Variants in PACRG observed in about 807,000 individuals in gnomAD.
PACRG encodes the protein parkin coregulated gene protein.
A neutral mutation model predicts 29.7 loss-of-function variants in PACRG; 29 were observed. The ratio of observed to expected loss-of-function variants is 0.98; its 90% confidence interval spans 0.73 to 1.33. The LOEUF (loss-of-function observed/expected upper bound fraction) is 1.33. PACRG is among the 40% of genes most tolerant of loss of function. The pLI is 0.00. For missense variants in PACRG, 279 were observed against 316.2 expected (o/e 0.88, Z 0.89); for synonymous variants, 116 against 118.7 (o/e 0.98, Z 0.15).
rs192166316 is a variant in PACRG at position 162,771,748 on chromosome 6, A to G, written c.157-42399A>G. Among the ~76,000 whole-genome samples the G allele has an allele frequency of 2.8e-3, 430 of 152,334 alleles. 3 individuals are homozygous for G. Among genetic ancestry groups the G allele is most frequent in the African/African-American group, 9.4e-3 (390 of 41,572 alleles). On this transcript the variant is annotated intron_variant, in intron 1 of 4. Transcript: ENST00000366888. ...AATAGAGTAATTTTCTTTGGAATAC[A>G]TAACTCTCAAGAACATTTTGATAGC...
intron 2 of PACRG, among the ~76,000 whole-genome samples, chr6:162,822,922 AT>A (rs1787965497): frequency 6.6e-6 from 1 of 152,272 alleles, no homozygotes; most frequent in East Asian, 1.9e-4. Flanking sequence ...TGTATAACAT[AT>A]AACATATGTT....
Position 162,998,884 on chromosome 6 carries a change from A to G in PACRG, c.292-63266A>G, listed in dbSNP as rs1002621315. On this transcript the variant is annotated intron_variant, in intron 2 of 4. Transcript: ENST00000366888. ...CTTCAAAAATGTTTAGCCAGTTATC[A>G]CAACCCCTCTTATTGAGTGATCACT... 2.6e-5 allele frequency among the ~76,000 whole-genome samples: 4 copies of G among 152,208 alleles called. No homozygotes were observed. The East Asian group carries it at 7.7e-4, about 29-fold the overall frequency.
chr6:163,149,335 C>T (rs1777974679), intron 4 of PACRG, among the ~76,000 whole-genome samples: 1 of 152,176 alleles, frequency 6.6e-6, no homozygotes, highest in Non-Finnish European at 1.5e-5. Flanking sequence ...TCCATCCTCC[C>T]CAGCGCACTG....
At chr6:163,101,344 G>A (rs1235442892) in intron 4 of PACRG, 1 of 981,082 alleles carries the variant, frequency 1.0e-6, no homozygotes, top group African/African-American at 1.7e-5. Flanking sequence ...CATGCTAGTT[G>A]GATATTTATT....
chr6:163,234,803 C>G (rs1782171698), intron 4 of PACRG, among the ~76,000 whole-genome samples: 1 of 152,228 alleles, frequency 6.6e-6, no homozygotes, highest in South Asian at 2.1e-4. Context: ...ACAATGCTGT[C>G]TTGGGTAAAG....
intron 2 of PACRG, among the ~76,000 whole-genome samples, chr6:162,834,753 A>C (rs1212372857): frequency 6.6e-6 from 1 of 151,972 alleles, no homozygotes; most frequent in African/African-American, 2.4e-5. Flanking sequence ...ATTTTTGCTA[A>C]TATCATTTGT....
chr6:162,817,765 A>T (rs970550968), intron 2 of PACRG, among the ~76,000 whole-genome samples: 12 of 152,212 alleles, frequency 7.9e-5, no homozygotes, highest in African/African-American at 2.9e-4. Flanking sequence ...TGAATCTGCT[A>T]CCCAGATAGA....
At chr6:163,195,619 G>T (rs1445589739) in intron 4 of PACRG, among the ~76,000 whole-genome samples, 1 of 152,178 alleles carries the variant, frequency 6.6e-6, no homozygotes. Context: ...GTAGGAAGGG[G>T]TCTAACCTCC....
chr6:163,119,848 G>C (rs369339169), intron 4 of PACRG, among the ~76,000 whole-genome samples: 3 of 152,244 alleles, frequency 2.0e-5, no homozygotes, highest in African/African-American at 7.2e-5. Context: ...TGTTGTTGTT[G>C]TTGGTTTGTT....
At chr6:163,256,105 T>C (rs1427507088) in intron 4 of PACRG, among the ~76,000 whole-genome samples, 1 of 152,256 alleles carries the variant, frequency 6.6e-6, no homozygotes, top group African/African-American at 2.4e-5. Flanking sequence ...CTATGAATTT[T>C]TAAACATATT....
intron 4 of PACRG, among the ~76,000 whole-genome samples, chr6:163,239,529 G>A (rs952057002): frequency 6.6e-6 from 1 of 151,912 alleles, no homozygotes; most frequent in African/African-American, 2.4e-5. Context: ...TGGACACCTT[G>A]CTGCTTCTCC....
intron 2 of PACRG, among the ~76,000 whole-genome samples, chr6:162,993,163 A>G (rs1240081855): frequency 5.9e-5 from 9 of 151,644 alleles, no homozygotes; most frequent in Non-Finnish European, 2.9e-5. Context: ...ACTTCCAAGT[A>G]TGTGGTCAAT....
At chr6:162,778,563 C>A (rs1381413616) in intron 1 of PACRG, among the ~76,000 whole-genome samples, 25 of 152,060 alleles carry the variant, frequency 1.6e-4, no homozygotes, top group Admixed American at 1.6e-3. Context: ...ATATTTTTTA[C>A]CTTTATGTAC....
chr6:163,184,195 T>C (rs1779807407), intron 4 of PACRG, among the ~76,000 whole-genome samples: 1 of 152,232 alleles, frequency 6.6e-6, no homozygotes, highest in Non-Finnish European at 1.5e-5. Context: ...TGTGCTCGGT[T>C]CCTTAAGAAA....
chr6:163,259,042 A>G (rs1163746712), intron 4 of PACRG, among the ~76,000 whole-genome samples: 3 of 152,204 alleles, frequency 2.0e-5, no homozygotes, highest in Admixed American at 6.5e-5. Context: ...CTCCACATCA[A>G]TGGTCATGGG....
intron 1 of PACRG, among the ~76,000 whole-genome samples, chr6:162,771,574 T>C (rs1336109412): frequency 6.6e-6 from 1 of 152,126 alleles, no homozygotes; most frequent in Non-Finnish European, 1.5e-5. Context: ...CCAGGTGTAT[T>C]TTGTACTTTT....
At position 162,728,247 on chromosome 6, in the gene PACRG, A is replaced by C. The variant is rs1392838522; in HGVS notation, c.12A>C (p.Glu4Asp). 6.2e-7 allele frequency: 1 copy of C among 1,613,516 alleles called. No homozygotes were observed. Among genetic ancestry groups the C allele is most frequent in the African/African-American group, 1.3e-5 (1 of 74,892 alleles). The change falls in exon 1 of 5, where the codon GAA becomes GAC. Residue 4 changes from glutamate (E) to aspartate (D), a missense_variant. Physicochemically the swap from Glu to Asp is conservative, Grantham distance 45. Coordinates refer to ENST00000366888, the MANE Select transcript of PACRG (RefSeq NM_001080379.2). MVA[E>D]KETLSLNKCP... ...CATTTTCTAGGAAGATGGTGGCAGA[A>C]AAAGAGACCCTGAGCTTAAACAAAT...
chr6:163,285,251 AG>A (rs1784358863), intron 4 of PACRG, among the ~76,000 whole-genome samples: 1 of 149,896 alleles, frequency 6.7e-6, no homozygotes. Context: ...CCCCTACCGC[AG>A]GGCCTTTGCG....
At chr6:163,100,177 G>A (rs1295398337) in intron 4 of PACRG, among the ~76,000 whole-genome samples, 1 of 152,038 alleles carries the variant, frequency 6.6e-6, no homozygotes, top group South Asian at 2.1e-4. Flanking sequence ...TCCCCTGCAG[G>A]GACCTGTGTC....
Sources: gnomAD v4.1 joint callset for allele counts (sites outside exome capture counted in the v4.1 genomes callset) on GRCh38, gnomAD v4.1.1 for gene constraint, MANE v1.5 for transcripts, NCBI Gene and HGNC (gene_info 2026-07-23, HGNC 2026-07-21) for gene names.